Variants in DIAPH2 observed in about 807,000 individuals in gnomAD.
DIAPH2 encodes the protein diaphanous related formin 2, also known as protein diaphanous homolog 2.
DIAPH2 carries 35 observed loss-of-function variants against 92.7 expected under a neutral mutation model. The ratio of observed to expected loss-of-function variants is 0.38; its 90% confidence interval spans 0.29 to 0.50. The LOEUF is 0.50. DIAPH2 is among the 20% of genes least tolerant of loss of function. The pLI, the probability that DIAPH2 is intolerant of heterozygous loss-of-function variation, is 0.94. For missense variants in DIAPH2, 701 were observed against 819.5 expected, an observed-to-expected ratio of 0.86 and a Z score of 1.77; for synonymous variants, 301 against 280.4, an observed-to-expected ratio of 1.07 and a Z score of -0.73.
At position 97,185,496 on chromosome X, in the gene DIAPH2, T is replaced by TATATATATATACATAC. The variant is rs2067594721; in HGVS notation, c.2719+43713_2719+43714insCATACATATATATATA. Among the ~76,000 whole-genome samples the TATATATATATACATAC allele has an allele frequency of 1.2e-4, 6 of 49,144 alleles. 1 individual carries two copies. Among genetic ancestry groups the TATATATATATACATAC allele is most frequent in the African/African-American group, 5.4e-4 (5 of 9,233 alleles). The allele number at this position is 49,144 out of a possible 115,157, so 42.7% of individuals were successfully genotyped here. A position where few individuals can be genotyped will look rare whatever the true frequency, so the allele number is the denominator to read the frequency against. ...ACACATATATATATATATATATATA[T>TATATATATATACATAC]ATATATATATATATATATATATATC... On this transcript the variant is annotated intron_variant, in intron 22 of 26. Transcript: ENST00000324765.
chrX:96,872,709 G>T (rs1469166325), intron 4 of DIAPH2, among the ~76,000 whole-genome samples: 1 of 109,298 alleles, frequency 9.1e-6, no homozygotes, highest in African/African-American at 3.3e-5. Context: ...GGCCAGACTG[G>T]TCTTGAGCTC....
chrX:96,855,751 G>A (rs1012527644), intron 4 of DIAPH2, among the ~76,000 whole-genome samples: 4 of 110,483 alleles, frequency 3.6e-5, no homozygotes, highest in African/African-American at 1.3e-4. Context: ...GATTAGATAA[G>A]CAAAGAGAAT....
rs770424803 is a variant in DIAPH2, at chrX:96,929,429, G to A, written c.979-1304G>A. 2.1e-4 allele frequency among the ~76,000 whole-genome samples: 23 copies of A among 111,137 alleles called. No homozygotes were observed. In the South Asian group the frequency reaches 8.6e-3, roughly 42 times the overall value. ...TTAGACTATATTGTTGTATCATTCAGATATCTGGTCATGTTAGAAACAACC... is the reference window on the plus strand; with the variant it reads ...TTAGACTATATTGTTGTATCATTCAAATATCTGGTCATGTTAGAAACAACC... On this transcript the variant is annotated intron_variant, in intron 9 of 26. Coordinates refer to ENST00000324765, the MANE Select transcript of DIAPH2 (RefSeq NM_006729.5).
chrX:97,588,828 A>G (rs952019115), intron 26 of DIAPH2, among the ~76,000 whole-genome samples: 2 of 105,410 alleles, frequency 1.9e-5, no homozygotes, highest in Non-Finnish European at 3.9e-5. Context: ...TGGTATAATC[A>G]ACAAGGAATT....
At chrX:97,266,497 C>A (rs944150874) in intron 23 of DIAPH2, among the ~76,000 whole-genome samples, 4 of 111,845 alleles carry the variant, frequency 3.6e-5, no homozygotes, top group African/African-American at 1.3e-4. Context: ...ACCAGGACAT[C>A]TGGCAAGATG....
At chrX:97,051,519 CTTT>C (rs1297761037) in intron 17 of DIAPH2, among the ~76,000 whole-genome samples, 1 of 97,945 alleles carries the variant, frequency 1.0e-5, no homozygotes, top group Non-Finnish European at 2.1e-5. Context: ...GTTTTTTTTT[CTTT>C]TTTTTTTTAA....
chrX:97,372,728 T>C (rs1031322791), intron 24 of DIAPH2, among the ~76,000 whole-genome samples: 12 of 111,431 alleles, frequency 1.1e-4, no homozygotes, highest in South Asian at 3.8e-4. Context: ...CCCAGCACTT[T>C]GGGAGGGCAA....
At chrX:96,998,601 G>A (rs1370225432) in intron 17 of DIAPH2, among the ~76,000 whole-genome samples, 5 of 111,812 alleles carry the variant, frequency 4.5e-5, no homozygotes, top group East Asian at 5.6e-4. Context: ...TCTGCCAAAC[G>A]TAGCCCTTTA....
At chrX:97,565,130 C>T (rs2071317642) in intron 26 of DIAPH2, among the ~76,000 whole-genome samples, 1 of 111,731 alleles carries the variant, frequency 9.0e-6, no homozygotes, top group South Asian at 3.7e-4. Context: ...CCTAGAAATC[C>T]AGGCTTAGTG....
chrX:96,862,650 G>T (rs983743730), intron 4 of DIAPH2, among the ~76,000 whole-genome samples: 1 of 111,899 alleles, frequency 8.9e-6, no homozygotes, highest in Non-Finnish European at 1.9e-5. Context: ...CTGTATATTT[G>T]TGTATGTGTG....
intron 25 of DIAPH2, among the ~76,000 whole-genome samples, chrX:97,417,002 G>A (rs2069953935): frequency 8.9e-6 from 1 of 111,993 alleles, no homozygotes; most frequent in African/African-American, 3.2e-5. Context: ...AGCAATGGAG[G>A]AGGGAAACAC....
intron 1 of DIAPH2, among the ~76,000 whole-genome samples, chrX:96,716,292 T>C (rs1361593279): frequency 9.0e-6 from 1 of 111,670 alleles, no homozygotes; most frequent in Non-Finnish European, 1.9e-5. Flanking sequence ...GTTTTGAGTC[T>C]AGGATATACT....
At chrX:97,000,754 C>G (rs1237767419) in intron 17 of DIAPH2, among the ~76,000 whole-genome samples, 1 of 111,776 alleles carries the variant, frequency 8.9e-6, no homozygotes, top group African/African-American at 3.3e-5. Context: ...AAAGATTAAT[C>G]TGCCATTGTT....
At chrX:97,290,226 T>C (rs1250193436) in intron 23 of DIAPH2, among the ~76,000 whole-genome samples, 1 of 111,197 alleles carries the variant, frequency 9.0e-6, no homozygotes, top group African/African-American at 3.3e-5. Flanking sequence ...GAGATCCATT[T>C]GCTTTGCTTT....
chrX:97,017,024 T>C (rs1289218361), intron 17 of DIAPH2, among the ~76,000 whole-genome samples: 1 of 111,615 alleles, frequency 9.0e-6, no homozygotes, highest in Non-Finnish European at 1.9e-5. Context: ...TGGTGGTGGG[T>C]ATGAAGCTGT....
rs1015226174 is a variant in DIAPH2 at position 96,823,537 on chromosome X, C to T, written c.448-58042C>T. 1.4e-3 allele frequency among the ~76,000 whole-genome samples: 160 copies of T among 110,939 alleles called. 1 individual carries two copies. The highest frequency in any genetic ancestry group is 5.0e-3 in the African/African-American group (154 of 30,668). Reference sequence around the variant, plus strand: ...CAAGTGATAAAATATATTAACAGTACGTCTCTCTATGTGAGAAATTATGGT... The same window carrying T: ...CAAGTGATAAAATATATTAACAGTATGTCTCTCTATGTGAGAAATTATGGT... On this transcript the variant is annotated intron_variant, in intron 4 of 26. Coordinates refer to ENST00000324765, the MANE Select transcript of DIAPH2 (RefSeq NM_006729.5).
At chrX:97,120,272 C>G (rs1011637117) in intron 21 of DIAPH2, among the ~76,000 whole-genome samples, 1 of 110,413 alleles carries the variant, frequency 9.1e-6, no homozygotes, top group Admixed American at 9.7e-5. Context: ...TGACTCAGCT[C>G]CAGGTAAGGT....
intron 26 of DIAPH2, among the ~76,000 whole-genome samples, chrX:97,435,382 C>T (rs182468674): frequency 4.3e-4 from 48 of 111,446 alleles, no homozygotes; most frequent in African/African-American, 1.5e-3. Context: ...TGGGAAAACA[C>T]GAATATAAAC....
At chrX:96,935,437 C>G (rs1323494577) in intron 10 of DIAPH2, among the ~76,000 whole-genome samples, 1 of 110,903 alleles carries the variant, frequency 9.0e-6, no homozygotes, top group African/African-American at 3.3e-5. Context: ...GAATCAAAAC[C>G]ATATACAGTA....
Sources: gnomAD v4.1 joint callset for allele counts (sites outside exome capture counted in the v4.1 genomes callset) on GRCh38, gnomAD v4.1.1 for gene constraint, MANE v1.5 for transcripts, NCBI Gene and HGNC (gene_info 2026-07-23, HGNC 2026-07-21) for gene names.